The following SENP7 variants were observed in gnomAD, a reference collection of about 807,000 sequenced individuals.
The protein encoded by SENP7 is SUMO specific peptidase 7.
Under a neutral mutation model 141.2 loss-of-function variants are expected in SENP7, and 64 were observed. That is an observed-to-expected ratio of 0.45 (90% CI 0.37 to 0.56). The LOEUF is 0.56. Ranked by LOEUF, SENP7 falls within the 20% of genes least tolerant of loss-of-function variation. The pLI, the probability that SENP7 is intolerant of heterozygous loss-of-function variation, is 0.00. For synonymous variants in SENP7, 382 were observed against 426.4 expected (o/e 0.90, Z 1.28); for missense variants, 1,025 against 1,212.2 (o/e 0.85, Z 2.29).
intron 23 of SENP7, 56 bp from the exon 24 acceptor site, chr3:101,326,136 T>C: frequency 7.3e-7 from 1 of 1,364,304 alleles, no homozygotes; most frequent in Admixed American, 2.9e-5. Flanking sequence ...TCAAATTTGT[T>C]TTAATTTCAT....
At chr3:101,421,519 T>A (rs550123920) in intron 4 of SENP7, among the ~76,000 whole-genome samples, 1 of 152,346 alleles carries the variant, frequency 6.6e-6, no homozygotes, top group Admixed American at 6.5e-5. Flanking sequence ...ATTTCAAATA[T>A]GAGACTATTC....
chr3:101,380,583 A>C (rs963272898), intron 6 of SENP7, among the ~76,000 whole-genome samples: 2 of 151,192 alleles, frequency 1.3e-5, no homozygotes, highest in African/African-American at 4.9e-5. Flanking sequence ...CACTATAATC[A>C]TGCCTGTAAA....
At chr3:101,507,785 T>C (rs2065682059) in intron 1 of SENP7, among the ~76,000 whole-genome samples, 1 of 152,212 alleles carries the variant, frequency 6.6e-6, no homozygotes, top group South Asian at 2.1e-4. Context: ...GCACAGTGGC[T>C]CACACCTGTA....
intron 16 of SENP7, among the ~76,000 whole-genome samples, chr3:101,339,416 C>G (rs767042570): frequency 1.3e-5 from 2 of 152,088 alleles, no homozygotes; most frequent in Non-Finnish European, 2.9e-5. Context: ...GCAGCTCTGG[C>G]TATACAAAAA....
chr3:101,406,660 G>T (rs2061316461), intron 5 of SENP7, among the ~76,000 whole-genome samples: 1 of 151,646 alleles, frequency 6.6e-6, no homozygotes, highest in African/African-American at 2.4e-5. Context: ...GGGAATAATT[G>T]AGGAAAGCTT....
chr3:101,363,018 GTTA>G (rs1210666657), intron 10 of SENP7: 2 of 174,300 alleles, frequency 1.1e-5, no homozygotes, highest in Non-Finnish European at 2.3e-5. Flanking sequence ...TACTAAAGCA[GTTA>G]TTATGCATAT....
At chr3:101,388,081 C>T (rs1170653105) in intron 6 of SENP7, among the ~76,000 whole-genome samples, 2 of 152,168 alleles carry the variant, frequency 1.3e-5, no homozygotes, top group Non-Finnish European at 2.9e-5. Flanking sequence ...AAGGATTGAC[C>T]AGACACAGCT....
In SENP7 at chr3:101,501,235, T is replaced by C. The variant is rs73862804; in HGVS notation, c.41-116A>G. 4.3e-3 allele frequency: 2,972 copies of C among 692,178 alleles called. 78 individuals carry two copies. In the African/African-American group the frequency reaches 0.048, roughly 11 times the overall value. The allele number at this position is 692,178 out of a possible 1,614,324, so 42.9% of individuals were successfully genotyped here. A position where few individuals can be genotyped will look rare whatever the true frequency, so the allele number is the denominator to read the frequency against. ...TTGTTTTAAATTAACTTGTTAGATT[T>C]AGAATTTACACATTTTACAGAAACT... is the stretch of plus-strand genomic sequence containing the variant. On this transcript the variant is annotated intron_variant, in intron 1 of 23. Coordinates refer to ENST00000394095, the MANE Select transcript of SENP7 (RefSeq NM_020654.5).
At chr3:101,378,114 T>C (rs2060387203) in intron 6 of SENP7, among the ~76,000 whole-genome samples, 1 of 151,556 alleles carries the variant, frequency 6.6e-6, no homozygotes, top group African/African-American at 2.4e-5. Context: ...AAAGGTCTAT[T>C]TACAGTAGTT....
rs10672290 is a variant in SENP7 at position 101,325,308 on chromosome 3, A to AAT, written c.*634_*635insAT. On this transcript the variant is annotated 3_prime_UTR_variant, in exon 24 of 24. Transcript: ENST00000394095. ...ATGACATCAAAAGAAATGAAAAAAA[A>AAT]AAAGCAGAGTAATCGTATTTAGCAA... 61,399 of 151,978 alleles carry AAT rather than the reference A, an allele frequency of 0.4. 12,858 individuals are homozygous for AAT. The highest frequency in any genetic ancestry group is 0.54 in the Admixed American group (8,146 of 15,154). 9.4% of individuals were successfully genotyped at this position (151,978 alleles called of 1,614,324 possible). A position where few individuals can be genotyped will look rare whatever the true frequency, so the allele number is the denominator to read the frequency against.
At chr3:101,445,919 G>C (rs2062872855) in intron 4 of SENP7, among the ~76,000 whole-genome samples, 1 of 152,096 alleles carries the variant, frequency 6.6e-6, no homozygotes, top group African/African-American at 2.4e-5. Flanking sequence ...AAAGAAAACA[G>C]ACCTCAATAC....
intron 13 of SENP7, among the ~76,000 whole-genome samples, chr3:101,345,548 T>C (rs2059434649): frequency 6.6e-6 from 1 of 152,222 alleles, no homozygotes; most frequent in Non-Finnish European, 1.5e-5. Flanking sequence ...TTGGTCGCTG[T>C]TGGTGTATAG....
chr3:101,330,523 GATTA>G, intron 19 of SENP7, 137 bp from the exon 20 acceptor site: 1 of 504,160 alleles, frequency 2.0e-6, no homozygotes, highest in Non-Finnish European at 3.5e-6. Flanking sequence ...TTTTTTTCAT[GATTA>G]ATGTTATGAA....
chr3:101,342,468 T>C (rs973354827), intron 14 of SENP7, among the ~76,000 whole-genome samples: 1 of 152,024 alleles, frequency 6.6e-6, no homozygotes. Context: ...TACAAAAGAG[T>C]TGAAAGAAAT....
intron 17 of SENP7, 163 bp downstream of exon 17, chr3:101,337,346 A>C (rs2059213900): frequency 4.7e-6 from 2 of 424,542 alleles, no homozygotes; most frequent in African/African-American, 4.1e-5. Flanking sequence ...GCAGCAAAAC[A>C]GTGGAAGGAT....
intron 17 of SENP7, among the ~76,000 whole-genome samples, chr3:101,336,106 T>A (rs556377097): frequency 6.6e-6 from 1 of 152,070 alleles, no homozygotes; most frequent in Non-Finnish European, 1.5e-5. Flanking sequence ...ACAGAAAGAG[T>A]TGAACTTTGA....
At chr3:101,426,866 T>G (rs1364757647) in intron 4 of SENP7, among the ~76,000 whole-genome samples, 1 of 152,026 alleles carries the variant, frequency 6.6e-6, no homozygotes, top group East Asian at 1.9e-4. Context: ...AAAGAAGCAC[T>G]AAATATGGAA....
At chr3:101,509,048 T>C (rs1377436381) in intron 1 of SENP7, among the ~76,000 whole-genome samples, 1 of 152,092 alleles carries the variant, frequency 6.6e-6, no homozygotes, top group African/African-American at 2.4e-5. Flanking sequence ...TCCCTATATC[T>C]CACCAAACTG....
chr3:101,504,152 C>G (rs571691192), intron 1 of SENP7, among the ~76,000 whole-genome samples: 2 of 151,812 alleles, frequency 1.3e-5, no homozygotes, highest in Non-Finnish European at 2.9e-5. Flanking sequence ...TTTTCCTGAT[C>G]TAAAAAATTA....
Sources: allele counts gnomAD v4.1 joint callset (sites outside exome capture counted in the v4.1 genomes callset), GRCh38; gene constraint gnomAD v4.1.1; transcripts MANE v1.5; gene names NCBI Gene and HGNC (gene_info 2026-07-23, HGNC 2026-07-21).